Variants in MDGA2 observed in about 807,000 individuals in gnomAD.
The protein encoded by MDGA2 is MAM domain containing glycosylphosphatidylinositol anchor 2, also known as MAM domain-containing glycosylphosphatidylinositol anchor protein 2.
MDGA2 carries 40 observed loss-of-function variants against 117.8 expected under a neutral mutation model. The observed-to-expected ratio is 0.34, with a 90% confidence interval of 0.26 to 0.44. The LOEUF is 0.44. Among genes scored for constraint, MDGA2 ranks in the 20% least tolerant of loss-of-function variants. The pLI is 1.00. For synonymous variants in MDGA2, 452 were observed against 439.0 expected (o/e 1.03, Z -0.37); for missense variants, 1,123 against 1,250.6 (o/e 0.90, Z 1.54).
chr14:47,036,691 T>A (rs1888867561), intron 7 of MDGA2, among the ~76,000 whole-genome samples: 1 of 152,226 alleles, frequency 6.6e-6, no homozygotes, highest in African/African-American at 2.4e-5. Flanking sequence ...TTACTCTTCC[T>A]TCTAGTTTGA....
At chr14:47,297,879 T>C (rs907015470) in intron 2 of MDGA2, among the ~76,000 whole-genome samples, 1 of 152,180 alleles carries the variant, frequency 6.6e-6, no homozygotes, top group Non-Finnish European at 1.5e-5. Context: ...CAAATCTAGA[T>C]CTTAGAGCTG....
At chr14:47,019,556 G>C (rs1304524863) in intron 8 of MDGA2, among the ~76,000 whole-genome samples, 2 of 152,018 alleles carry the variant, frequency 1.3e-5, no homozygotes, top group Non-Finnish European at 2.9e-5. Context: ...TTATCTACCT[G>C]GTGTAGGCCG....
At chr14:47,432,407 G>C (rs1892817399) in intron 1 of MDGA2, among the ~76,000 whole-genome samples, 1 of 151,868 alleles carries the variant, frequency 6.6e-6, no homozygotes, top group South Asian at 2.1e-4. Context: ...ATAAGTCCTT[G>C]GGATAACAAT....
rs537107368 is a variant in MDGA2, at chr14:47,113,330, C to A, written c.926-16207G>T. On this transcript the variant is annotated intron_variant, in intron 5 of 16. Transcript: ENST00000399232. ...AATAGCCTACCAACAACAACAACAA[C>A]AAAAAAGGCCCACGACCGGATGGAT... 1.8e-3 allele frequency among the ~76,000 whole-genome samples: 271 copies of A among 151,866 alleles called. 2 individuals are homozygous for A. The highest frequency in any genetic ancestry group is 9.7e-4 in the Non-Finnish European group (66 of 67,876).
intron 8 of MDGA2, among the ~76,000 whole-genome samples, chr14:46,977,900 T>C (rs1886527830): frequency 6.6e-6 from 1 of 151,840 alleles, no homozygotes; most frequent in Non-Finnish European, 1.5e-5. Flanking sequence ...AAGTAGATAA[T>C]GTGTTGCTTT....
At chr14:47,552,813 C>T (rs1280393884) in intron 1 of MDGA2, among the ~76,000 whole-genome samples, 5 of 152,314 alleles carry the variant, frequency 3.3e-5, no homozygotes, top group East Asian at 3.9e-4. Context: ...CCTAATCTTG[C>T]CTTTTTTCAG....
At chr14:47,603,108 C>G (rs1470588924) in intron 1 of MDGA2, among the ~76,000 whole-genome samples, 1 of 152,102 alleles carries the variant, frequency 6.6e-6, no homozygotes, top group Non-Finnish European at 1.5e-5. Flanking sequence ...ATATAATCTA[C>G]CCCAATAAGA....
chr14:47,578,205 G>C (rs889924250), intron 1 of MDGA2, among the ~76,000 whole-genome samples: 11 of 152,032 alleles, frequency 7.2e-5, no homozygotes, highest in Admixed American at 7.2e-4. Context: ...ACTCGTAAGT[G>C]AGACAGATGG....
intron 8 of MDGA2, among the ~76,000 whole-genome samples, chr14:46,966,605 A>G (rs777458688): frequency 1.1e-4 from 16 of 152,306 alleles, no homozygotes; most frequent in Non-Finnish European, 2.4e-4. Context: ...CTTCATGTAA[A>G]TTAATTTTGG....
intron 7 of MDGA2, among the ~76,000 whole-genome samples, chr14:47,056,996 G>A (rs1177265837): frequency 1.3e-5 from 2 of 151,754 alleles, no homozygotes; most frequent in African/African-American, 4.8e-5. Context: ...TAACTTACCT[G>A]CAGTCTAGCC....
At chr14:47,251,495 C>T (rs935883755) in intron 2 of MDGA2, among the ~76,000 whole-genome samples, 4 of 152,108 alleles carry the variant, frequency 2.6e-5, no homozygotes, top group Non-Finnish European at 5.9e-5. Flanking sequence ...AAACACTTGA[C>T]GTTGTCTACT....
chr14:47,090,129 C>A (rs1879553967), intron 6 of MDGA2, among the ~76,000 whole-genome samples: 1 of 151,978 alleles, frequency 6.6e-6, no homozygotes, highest in Non-Finnish European at 1.5e-5. Flanking sequence ...AAGTTCAGAA[C>A]AAATTATTTA....
chr14:47,329,107 T>C (rs765295476), intron 1 of MDGA2, among the ~76,000 whole-genome samples: 1 of 152,090 alleles, frequency 6.6e-6, no homozygotes, highest in Non-Finnish European at 1.5e-5. Context: ...TATATACATA[T>C]ATATAGTAGA....
intron 1 of MDGA2, among the ~76,000 whole-genome samples, chr14:47,557,529 G>A (rs186335443): frequency 1.3e-3 from 203 of 152,268 alleles, no homozygotes; most frequent in Non-Finnish European, 2.2e-3. Flanking sequence ...CAGAGAAAGT[G>A]AGAGATTTCC....
intron 2 of MDGA2, among the ~76,000 whole-genome samples, chr14:47,247,632 TTTA>T (rs71448183): frequency 0.098 from 14,335 of 146,020 alleles, 910 homozygotes; most frequent in African/African-American, 0.14. Context: ...TCAGTACATA[TTTA>T]TTATTATTAT....
chr14:47,372,679 A>G (rs993441924), intron 1 of MDGA2, among the ~76,000 whole-genome samples: 8 of 152,102 alleles, frequency 5.3e-5, no homozygotes, highest in Middle Eastern at 3.4e-3. Context: ...TTTAAGAATT[A>G]CTATTGATTC....
rs147821619 is a variant in MDGA2 at position 47,251,524 on chromosome 14, G to A, written c.421-33329C>T. On this transcript the variant is annotated intron_variant, in intron 2 of 16. Transcript: ENST00000399232. ...GTCTACTATATAACTCATTACCCCC[G>A]AAGTATACGTACTACATCCTGAACA... is the stretch of plus-strand genomic sequence containing the variant. 3.7e-3 allele frequency among the ~76,000 whole-genome samples: 558 copies of A among 152,120 alleles called. 3 individuals are homozygous for A. Among genetic ancestry groups the A allele is most frequent in the African/African-American group, 0.012 (496 of 41,504 alleles).
At position 47,268,975 on chromosome 14, in the gene MDGA2, A is replaced by G. The variant is rs558000419; in HGVS notation, c.420+32436T>C. ...TGGGATTATAAAGTTTTCACAGAGT[A>G]CTGTGAAGTAAGGCTCACTGTGAGC... On this transcript the variant is annotated intron_variant, in intron 2 of 16. Coordinates refer to ENST00000399232, the MANE Select transcript of MDGA2 (RefSeq NM_001113498.3). Among the ~76,000 whole-genome samples, 4 of 152,310 alleles carry G rather than the reference A, an allele frequency of 2.6e-5. No homozygotes were observed. The East Asian group carries it at 5.8e-4, about 22-fold the overall frequency.
chr14:47,093,654 A>T (rs563408337), intron 6 of MDGA2, among the ~76,000 whole-genome samples: 1 of 152,256 alleles, frequency 6.6e-6, no homozygotes, highest in South Asian at 2.1e-4. Context: ...CCAAAGTAGT[A>T]AACCATGTGA....
Sources: gnomAD v4.1 joint callset for allele counts (sites outside exome capture counted in the v4.1 genomes callset) on GRCh38, gnomAD v4.1.1 for gene constraint, MANE v1.5 for transcripts, NCBI Gene and HGNC (gene_info 2026-07-23, HGNC 2026-07-21) for gene names.